The following CDH13 variants were observed in gnomAD, a reference collection of about 807,000 sequenced individuals.
CDH13 encodes the protein cadherin-13.
CDH13 carries 24 observed loss-of-function variants against 63.8 expected under a neutral mutation model. That is an observed-to-expected ratio of 0.38 (90% CI 0.27 to 0.53). CDH13 has a LOEUF of 0.53. CDH13 is among the 20% of genes least tolerant of loss of function. CDH13 has a pLI of 0.85. For missense variants in CDH13, 1,049 were observed against 903.1 expected, an observed-to-expected ratio of 1.16 and a Z score of -2.07; for synonymous variants, 503 against 355.3, an observed-to-expected ratio of 1.42 and a Z score of -4.67.
chr16:83,259,684 T>A (rs563157405), intron 5 of CDH13, among the ~76,000 whole-genome samples: 1 of 152,202 alleles, frequency 6.6e-6, no homozygotes, highest in African/African-American at 2.4e-5. Context: ...TTAGAGTACA[T>A]GTGCACAATG....
At chr16:83,718,233 G>A (rs184700596) in intron 10 of CDH13, among the ~76,000 whole-genome samples, 2 of 152,324 alleles carry the variant, frequency 1.3e-5, no homozygotes, top group East Asian at 1.9e-4. Context: ...CTGAATCCCA[G>A]AGGAACACAC....
In CDH13 at chr16:83,799,943, T is replaced by C. The variant is rs1395750759; in HGVS notation, c.*4913T>C. On this transcript the variant is annotated 3_prime_UTR_variant, in exon 14 of 14. Coordinates refer to ENST00000567109, the MANE Select transcript of CDH13 (RefSeq NM_001257.5). ...GGGTTTCAGATAAGAACTTCAATTA[T>C]ATAATTTAAGAAGAGTCAGTCTATA... The C allele has an allele frequency of 1.6e-5, 2 of 127,512 alleles. No homozygotes were observed. The highest frequency in any genetic ancestry group is 5.3e-5 in the African/African-American group (2 of 37,938). The allele number at this position is 127,512 out of a possible 1,614,324, so 7.9% of individuals were successfully genotyped here. A position where few individuals can be genotyped will look rare whatever the true frequency, so the allele number is the denominator to read the frequency against.
At chr16:82,728,546 A>G (rs1056342495) in intron 1 of CDH13, among the ~76,000 whole-genome samples, 3 of 152,172 alleles carry the variant, frequency 2.0e-5, no homozygotes, top group African/African-American at 7.2e-5. Context: ...TGCATACCTT[A>G]ATTTAAAAAT....
chr16:83,038,528 G>A (rs1396504083), intron 3 of CDH13, among the ~76,000 whole-genome samples: 1 of 152,150 alleles, frequency 6.6e-6, no homozygotes, highest in Non-Finnish European at 1.5e-5. Flanking sequence ...GTCTGTGGAA[G>A]GTCATGATGA....
intron 1 of CDH13, among the ~76,000 whole-genome samples, chr16:82,783,257 T>C (rs921674699): frequency 5.3e-5 from 8 of 152,330 alleles, no homozygotes; most frequent in Admixed American, 4.6e-4. Flanking sequence ...CAGGTGCTCC[T>C]AATAAATGCA....
At chr16:83,221,050 G>T (rs533918454) in intron 5 of CDH13, among the ~76,000 whole-genome samples, 4 of 152,116 alleles carry the variant, frequency 2.6e-5, no homozygotes, top group Non-Finnish European at 5.9e-5. Flanking sequence ...CTTTTTCAAG[G>T]TCTCACAGCT....
At chr16:83,419,479 T>A (rs1195970261) in intron 6 of CDH13, among the ~76,000 whole-genome samples, 1 of 152,190 alleles carries the variant, frequency 6.6e-6, no homozygotes, top group Non-Finnish European at 1.5e-5. Context: ...TACTTTTACA[T>A]CCTTAGATCA....
chr16:83,448,760 G>A (rs2072787950), intron 6 of CDH13, among the ~76,000 whole-genome samples: 1 of 152,154 alleles, frequency 6.6e-6, no homozygotes, highest in African/African-American at 2.4e-5. Context: ...AACTTCAGTG[G>A]TGGGGAGGAG....
chr16:83,289,798 A>G lies in CDH13; in HGVS notation c.637-55064A>G, dbSNP rs577606901. 2.8e-4 allele frequency among the ~76,000 whole-genome samples: 42 copies of G among 152,290 alleles called. No individual in the cohort carries two copies. In the South Asian group the frequency reaches 5.4e-3, roughly 20 times the overall value. The stretch of plus-strand genomic sequence containing the variant: ...TGATCATATGTAAGGATTTATGACA[A>G]TGTCTATCATACAGTTAGCCTGTAA... On this transcript the variant is annotated intron_variant, in intron 5 of 13. Coordinates refer to ENST00000567109, the MANE Select transcript of CDH13 (RefSeq NM_001257.5).
chr16:83,322,626 C>G (rs1038467854), intron 5 of CDH13, among the ~76,000 whole-genome samples: 4 of 152,144 alleles, frequency 2.6e-5, no homozygotes, highest in African/African-American at 9.7e-5. Flanking sequence ...TCATAGAGGT[C>G]TCTGCAGTGA....
In CDH13 at chr16:83,355,965, A is replaced by G. The variant is rs890747598; in HGVS notation, c.781+10959A>G. On this transcript the variant is annotated intron_variant, in intron 6 of 13. Coordinates refer to ENST00000567109, the MANE Select transcript of CDH13 (RefSeq NM_001257.5). The stretch of plus-strand genomic sequence containing the variant: ...AGTCCTTACAAACGTTTGACAATTG[A>G]GGAAACAGACACTCAGGGAGGTTAG... 6.6e-5 allele frequency among the ~76,000 whole-genome samples: 10 copies of G among 152,148 alleles called. 1 individual carries two copies. The highest frequency in any genetic ancestry group is 1.5e-4 in the Non-Finnish European group (10 of 68,012).
chr16:82,826,363 G>T (rs138156042), intron 1 of CDH13: 1 of 152,158 alleles, frequency 6.6e-6, no homozygotes, highest in African/African-American at 2.4e-5. Flanking sequence ...TTTATAATGA[G>T]TAGGGATGAG....
At chr16:83,517,379 G>A (rs2074722264) in intron 7 of CDH13, among the ~76,000 whole-genome samples, 1 of 152,180 alleles carries the variant, frequency 6.6e-6, no homozygotes, top group South Asian at 2.1e-4. Context: ...TCTTGCTCAA[G>A]CTGTGATTCC....
chr16:82,861,547 T>C (rs1008440016), intron 2 of CDH13, among the ~76,000 whole-genome samples: 1 of 152,240 alleles, frequency 6.6e-6, no homozygotes, highest in African/African-American at 2.4e-5. Flanking sequence ...GTTCAGACAG[T>C]AATATTTCCT....
chr16:82,773,019 C>G (rs987299149), intron 1 of CDH13, among the ~76,000 whole-genome samples: 1 of 152,190 alleles, frequency 6.6e-6, no homozygotes, highest in Non-Finnish European at 1.5e-5. Context: ...AGCCCAGAAT[C>G]AGTAGCTGGG....
At chr16:83,180,122 T>C (rs2151743175) in intron 4 of CDH13, among the ~76,000 whole-genome samples, 1 of 151,676 alleles carries the variant, frequency 6.6e-6, no homozygotes, top group African/African-American at 2.4e-5. Context: ...TTGGTTTAAT[T>C]GTCGTTTAAA....
chr16:83,162,475 A>C (rs1477940344), intron 4 of CDH13, among the ~76,000 whole-genome samples: 2 of 152,216 alleles, frequency 1.3e-5, no homozygotes, highest in African/African-American at 4.8e-5. Context: ...AGTAAATGAT[A>C]GAGCTGAAAA....
At chr16:83,254,952 TTTCTTTCTTTCTTTC>T (rs1567542192) in intron 5 of CDH13, among the ~76,000 whole-genome samples, 7,869 of 145,582 alleles carry the variant, frequency 0.054, 443 homozygotes, top group East Asian at 0.1. Flanking sequence ...TCTTTTTCTC[TTTCTTTCTTTCTTTC>T]TTTCTTTCTT....
chr16:83,494,357 T>C (rs989149214), intron 7 of CDH13, among the ~76,000 whole-genome samples: 1 of 152,176 alleles, frequency 6.6e-6, no homozygotes, highest in South Asian at 2.1e-4. Flanking sequence ...TAATGCAGGT[T>C]TTGCTTCATC....
Sources: gnomAD v4.1 joint callset for allele counts (sites outside exome capture counted in the v4.1 genomes callset) on GRCh38, gnomAD v4.1.1 for gene constraint, MANE v1.5 for transcripts, NCBI Gene and HGNC (gene_info 2026-07-23, HGNC 2026-07-21) for gene names.